MYO10: variants seen among roughly 807,000 people sequenced by gnomAD.
MYO10 encodes unconventional myosin-X.
MYO10 carries 133 observed loss-of-function variants against 257.3 expected under a neutral mutation model. The ratio of observed to expected loss-of-function variants is 0.52; its 90% confidence interval spans 0.45 to 0.60. MYO10 has a LOEUF of 0.60. MYO10 is among the 20% of genes least tolerant of loss of function. The pLI, the probability that MYO10 is intolerant of heterozygous loss-of-function variation, is 0.00. For synonymous variants in MYO10, 1,104 were observed against 1,028.6 expected (o/e 1.07, Z -1.40); for missense variants, 2,399 against 2,635.7 (o/e 0.91, Z 1.97).
intron 2 of MYO10, among the ~76,000 whole-genome samples, chr5:16,851,417 T>C (rs1743796709): frequency 1.3e-5 from 2 of 152,202 alleles, no homozygotes; most frequent in Non-Finnish European, 2.9e-5. Context: ...GAAGTAGCAA[T>C]CAACACATCT....
chr5:16,687,864 G>C (rs952458078), intron 28 of MYO10, among the ~76,000 whole-genome samples: 1 of 152,170 alleles, frequency 6.6e-6, no homozygotes, highest in African/African-American at 2.4e-5. Context: ...CATTCAAGTT[G>C]TAGGAATCAC....
chr5:16,778,861 T>C (rs1025902588), intron 9 of MYO10, among the ~76,000 whole-genome samples: 1 of 151,918 alleles, frequency 6.6e-6, no homozygotes, highest in African/African-American at 2.4e-5. Context: ...CGGCTAATTG[T>C]TTGTATTTTT....
Position 16,701,212 on chromosome 5 carries a change from C to T in MYO10, c.3183G>A (p.Gly1061=). The change falls in exon 25 of 41, where the codon GGG becomes GGA. Residue 1061 remains glycine (G), a synonymous_variant. Coordinates refer to ENST00000513610, the MANE Select transcript of MYO10 (RefSeq NM_012334.3). This position sits in a 1 kb window ranked among gnomAD's most constrained non-coding sequence, Gnocchi z 8.1. The part of the protein sequence containing the change: ...VLLAPSVQDS[G]SLHNSSSGES... ...CGCCGCTGGAGGAGTTGTGTAGGCT[C>T]CCGGAGTCCTGCACTGATGGGGCGA... is the stretch of plus-strand genomic sequence containing the variant. 1 of 1,611,624 alleles carries T rather than the reference C, an allele frequency of 6.2e-7. No individual in the cohort carries two copies.
chr5:16,812,863 C>T (rs1453956676), intron 3 of MYO10, among the ~76,000 whole-genome samples: 1 of 151,484 alleles, frequency 6.6e-6, no homozygotes, highest in Non-Finnish European at 1.5e-5. Context: ...AATACGGAGC[C>T]AAAGAGGAGG....
intron 22 of MYO10, among the ~76,000 whole-genome samples, chr5:16,704,088 A>C (rs1486121288): frequency 6.6e-6 from 1 of 151,898 alleles, no homozygotes; most frequent in African/African-American, 2.4e-5. Flanking sequence ...GCACTTTGTC[A>C]GCCGGGAGGA....
chr5:16,869,915 A>AGGGAAG (rs559562982), intron 2 of MYO10, among the ~76,000 whole-genome samples: 1,580 of 118,710 alleles, frequency 0.013, 32 homozygotes, highest in Middle Eastern at 0.039. Context: ...GGAGAAAGGA[A>AGGGAAG]GGGAAGGGGA....
intron 1 of MYO10, among the ~76,000 whole-genome samples, chr5:16,927,394 G>A (rs954088429): frequency 7.9e-5 from 12 of 151,944 alleles, no homozygotes; most frequent in Admixed American, 1.3e-4. Context: ...GCACAATCTC[G>A]GCTCACTGGA....
At chr5:16,700,057 C>T (rs1737970641) in intron 25 of MYO10, among the ~76,000 whole-genome samples, 1 of 152,120 alleles carries the variant, frequency 6.6e-6, no homozygotes, top group African/African-American at 2.4e-5. Context: ...AATATATTTT[C>T]AAATCTTTGA....
At chr5:16,757,119 TAAAAAAA>T (rs58155620) in intron 18 of MYO10, among the ~76,000 whole-genome samples, 6 of 100,134 alleles carry the variant, frequency 6.0e-5, no homozygotes, top group Admixed American at 1.2e-4. Flanking sequence ...ACTCTGCCTT[TAAAAAAA>T]AAAAAAAAAA....
At chr5:16,673,405 C>CCAGGTCTG (rs1561169081) in intron 36 of MYO10, among the ~76,000 whole-genome samples, 1 of 152,110 alleles carries the variant, frequency 6.6e-6, no homozygotes, top group Non-Finnish European at 1.5e-5. Context: ...TGGACCTGAG[C>CCAGGTCTG]CAGGTCTGCA....
chr5:16,678,488 G>A (rs920572490), intron 33 of MYO10, among the ~76,000 whole-genome samples: 22 of 152,218 alleles, frequency 1.4e-4, no homozygotes, highest in Admixed American at 1.2e-3. Context: ...GCTGAGGCAG[G>A]AGAATTGCTT....
rs60728112 is a variant in MYO10 at position 16,878,985 on chromosome 5, T to A, written c.22-1278A>T. On this transcript the variant is annotated intron_variant, in intron 1 of 40. Transcript: ENST00000513610. ...TGTCCCCCCAAAAACTAATGAAATT[T>A]AAAAAAAAAAAAGAAAAAAAAAGAA... Among the ~76,000 whole-genome samples the A allele has an allele frequency of 5.6e-3, 781 of 139,514 alleles. 11 individuals are homozygous for A. Among genetic ancestry groups the A allele is most frequent in the African/African-American group, 0.019 (734 of 37,952 alleles). The allele number at this position is 139,514 out of a possible 152,430, so 91.5% of individuals were successfully genotyped here.
At chr5:16,702,768 T>G (rs535193079) in intron 23 of MYO10, among the ~76,000 whole-genome samples, 157 bp downstream of exon 23, 1 of 152,208 alleles carries the variant, frequency 6.6e-6, no homozygotes, top group Admixed American at 6.5e-5. Flanking sequence ...GGGTCTTTAA[T>G]GCTGCCAAGG....
chr5:16,757,297 C>A (rs1393967234), intron 18 of MYO10, among the ~76,000 whole-genome samples: 1 of 78,088 alleles, frequency 1.3e-5, no homozygotes, highest in Admixed American at 1.3e-4. Flanking sequence ...CTCACACACA[C>A]ACAAACACAC....
intron 1 of MYO10, among the ~76,000 whole-genome samples, chr5:16,888,776 A>T (rs1744962982): frequency 6.6e-6 from 1 of 151,838 alleles, no homozygotes; most frequent in Non-Finnish European, 1.5e-5. Flanking sequence ...TGAATTAAAT[A>T]AAATAGTTCT....
chr5:16,674,874 T>C lies in MYO10; in HGVS notation c.4943A>G (p.Tyr1648Cys). The change falls in exon 35 of 41, where the codon TAT (tyrosine) becomes TGT (cysteine). Residue 1648 changes from tyrosine to cysteine, a missense_variant. By Grantham distance (194) the Tyr-to-Cys change is radical. Coordinates refer to ENST00000513610, the MANE Select transcript of MYO10 (RefSeq NM_012334.3). ...TFLPSRGILK[Y>C]LKFHLKRIRE... ...TTACCTTTTCAGATGGAACTTGAGA[T>C]ACTTGAGAATCCCTCGACTCGGCAG... The C allele has an allele frequency of 6.2e-7, 1 of 1,613,926 alleles. No individual in the cohort carries two copies. Among genetic ancestry groups the C allele is most frequent in the Non-Finnish European group, 8.5e-7 (1 of 1,179,862 alleles).
chr5:16,841,349 G>C (rs1743475446), intron 2 of MYO10, among the ~76,000 whole-genome samples: 1 of 152,076 alleles, frequency 6.6e-6, no homozygotes, highest in African/African-American at 2.4e-5. Context: ...CCCATTAAAA[G>C]TTCTGTACAA....
chr5:16,695,526 GAAAA>G (rs531109269), intron 26 of MYO10, among the ~76,000 whole-genome samples: 1 of 137,304 alleles, frequency 7.3e-6, no homozygotes, highest in East Asian at 2.1e-4. Flanking sequence ...CTGAGACTAT[GAAAA>G]AAAAAAAAAG....
intron 33 of MYO10, among the ~76,000 whole-genome samples, chr5:16,678,381 T>A (rs1205816768): frequency 6.6e-6 from 1 of 151,380 alleles, no homozygotes; most frequent in Admixed American, 6.6e-5. Flanking sequence ...GGAGTTGGAG[T>A]CTAGCCTGGC....
Sources: gnomAD v4.1 joint callset for allele counts (sites outside exome capture counted in the v4.1 genomes callset) on GRCh38, gnomAD v4.1.1 for gene constraint, Gnocchi (gnomAD v3.1) non-coding constraint, MANE v1.5 for transcripts, NCBI Gene and HGNC (gene_info 2026-07-23, HGNC 2026-07-21) for gene names.